CSMD1: variants seen among roughly 807,000 people sequenced by gnomAD.
CSMD1 encodes the protein CUB and Sushi multiple domains 1, also known as CUB and sushi domain-containing protein 1.
A neutral mutation model predicts 417.5 loss-of-function variants in CSMD1; 213 were observed. The ratio of observed to expected loss-of-function variants is 0.51; its 90% CI spans 0.46 to 0.57. CSMD1 has a LOEUF of 0.57. Ranked by LOEUF, CSMD1 falls within the 20% of genes least tolerant of loss-of-function variation. CSMD1 has a pLI of 0.00. For synonymous variants in CSMD1, 2,862 were observed against 1,736.8 expected (o/e 1.65, Z -16.11); for missense variants, 6,923 against 4,529.7 (o/e 1.53, Z -15.17).
intron 1 of CSMD1, among the ~76,000 whole-genome samples, chr8:4,723,416 T>C (rs1809193163): frequency 6.6e-6 from 1 of 152,170 alleles, no homozygotes; most frequent in African/African-American, 2.4e-5. Context: ...GAGGGTTTAA[T>C]ACTTTGGAGT....
At position 4,661,126 on chromosome 8, in the gene CSMD1, C is replaced by G. The variant is rs951690473; in HGVS notation, c.86-23568G>C. ...CCAATTGTACTACTAGGCATTTATCCTAGAAATGTGACAACATTCACACAA... is the reference window on the plus strand; with the variant it reads ...CCAATTGTACTACTAGGCATTTATCGTAGAAATGTGACAACATTCACACAA... On this transcript the variant is annotated intron_variant, in intron 1 of 69. Transcript: ENST00000635120. 1.8e-4 allele frequency among the ~76,000 whole-genome samples: 28 copies of G among 152,088 alleles called. No homozygotes were observed. In the East Asian group the frequency reaches 3.3e-3, roughly 18 times the overall value.
At chr8:4,682,556 T>TA (rs1405201624) in intron 1 of CSMD1, among the ~76,000 whole-genome samples, 7 of 152,094 alleles carry the variant, frequency 4.6e-5, no homozygotes, top group African/African-American at 1.4e-4. Context: ...ACAGTTGTTT[T>TA]AAAAACAGAT....
At chr8:4,084,283 C>G (rs1243011026) in intron 3 of CSMD1, among the ~76,000 whole-genome samples, 1 of 150,730 alleles carries the variant, frequency 6.6e-6, no homozygotes, top group Non-Finnish European at 1.5e-5. Flanking sequence ...TTGGAAAAAT[C>G]TTTCAACTTT....
chr8:4,445,165 G>A (rs1009171437), intron 2 of CSMD1, among the ~76,000 whole-genome samples: 1 of 152,168 alleles, frequency 6.6e-6, no homozygotes, highest in Non-Finnish European at 1.5e-5. Flanking sequence ...GGCACTAGAA[G>A]AATCTGACAC....
At chr8:4,108,019 G>A (rs559183578) in intron 3 of CSMD1, among the ~76,000 whole-genome samples, 4 of 151,712 alleles carry the variant, frequency 2.6e-5, no homozygotes, top group South Asian at 2.1e-4. Context: ...CAGAAAGACT[G>A]CAGGGGAGAG....
At chr8:4,814,341 G>C (rs1799081116) in intron 1 of CSMD1, among the ~76,000 whole-genome samples, 1 of 152,156 alleles carries the variant, frequency 6.6e-6, no homozygotes, top group Non-Finnish European at 1.5e-5. Context: ...TGCCTCACAG[G>C]TTCAAGCAAA....
chr8:3,316,759 G>A (rs1805796366), intron 23 of CSMD1, among the ~76,000 whole-genome samples: 1 of 152,204 alleles, frequency 6.6e-6, no homozygotes, highest in Non-Finnish European at 1.5e-5. Context: ...GGACTCGGCT[G>A]CAGCACCAAG....
intron 3 of CSMD1, among the ~76,000 whole-genome samples, chr8:4,235,717 G>T (rs1331448640): frequency 2.6e-5 from 4 of 152,130 alleles, no homozygotes; most frequent in African/African-American, 9.7e-5. Flanking sequence ...CTTGTGATAT[G>T]TAAGTTCTCA....
Position 3,762,658 on chromosome 8 carries a change from C to T in CSMD1, c.819-8616G>A, listed in dbSNP as rs747769621. On this transcript the variant is annotated intron_variant, in intron 5 of 69. Transcript: ENST00000635120. The stretch of plus-strand genomic sequence containing the variant: ...GAAGGTATAATCGCCCTGCTGACGC[C>T]GTACAGGCACACTGGTGCCCAGAGA... Among the ~76,000 whole-genome samples, 11 of 152,302 alleles carry T rather than the reference C, an allele frequency of 7.2e-5. No individual in the cohort carries two copies. In the East Asian group the frequency reaches 1.4e-3, roughly 19 times the overall value.
chr8:4,417,411 T>C (rs1233883144), intron 3 of CSMD1, among the ~76,000 whole-genome samples: 1 of 152,040 alleles, frequency 6.6e-6, no homozygotes, highest in African/African-American at 2.4e-5. Context: ...CATGTTTACA[T>C]AGATCTTAGA....
At chr8:4,156,029 T>C (rs758067021) in intron 3 of CSMD1, among the ~76,000 whole-genome samples, 1 of 152,112 alleles carries the variant, frequency 6.6e-6, no homozygotes, top group Non-Finnish European at 1.5e-5. Context: ...AGTGGCCTGG[T>C]TCCTCAGATG....
At chr8:4,883,224 G>C (rs1010386640) in intron 1 of CSMD1, among the ~76,000 whole-genome samples, 1 of 151,968 alleles carries the variant, frequency 6.6e-6, no homozygotes, top group Non-Finnish European at 1.5e-5. Context: ...GAGCAACATG[G>C]TTGATTTCTA....
At chr8:4,927,820 C>T (rs1046324507) in intron 1 of CSMD1, among the ~76,000 whole-genome samples, 1 of 152,184 alleles carries the variant, frequency 6.6e-6, no homozygotes, top group Non-Finnish European at 1.5e-5. Flanking sequence ...CTCACACTCA[C>T]CAGCAAATCC....
At chr8:3,974,243 ATTATC>A (rs146119056) in intron 5 of CSMD1, among the ~76,000 whole-genome samples, 7,653 of 151,900 alleles carry the variant, frequency 0.05, 318 homozygotes, top group African/African-American at 0.1. Context: ...AAATAATATA[ATTATC>A]TTAAATAATT....
At chr8:4,320,252 A>T (rs528147831) in intron 3 of CSMD1, among the ~76,000 whole-genome samples, 1 of 152,326 alleles carries the variant, frequency 6.6e-6, no homozygotes, top group African/African-American at 2.4e-5. Context: ...GAAACAGGAA[A>T]ATAAGACCCA....
At chr8:4,752,264 C>A (rs1443294070) in intron 1 of CSMD1, among the ~76,000 whole-genome samples, 1 of 152,126 alleles carries the variant, frequency 6.6e-6, no homozygotes, top group Non-Finnish European at 1.5e-5. Context: ...CTTGTCTTGA[C>A]AATACAATTT....
At chr8:4,562,262 C>G (rs1244561522) in intron 2 of CSMD1, among the ~76,000 whole-genome samples, 1 of 152,146 alleles carries the variant, frequency 6.6e-6, no homozygotes, top group East Asian at 1.9e-4. Flanking sequence ...ACACAGGCAT[C>G]ATTACGCGAG....
chr8:4,221,862 G>A (rs1801051966), intron 3 of CSMD1, among the ~76,000 whole-genome samples: 1 of 152,142 alleles, frequency 6.6e-6, no homozygotes, highest in Non-Finnish European at 1.5e-5. Flanking sequence ...CACTCAGGAA[G>A]GATATTAGAG....
At chr8:3,378,362 C>A (rs577906240) in intron 18 of CSMD1, among the ~76,000 whole-genome samples, 2 of 152,150 alleles carry the variant, frequency 1.3e-5, no homozygotes, top group South Asian at 2.1e-4. Flanking sequence ...CTATTCCAGA[C>A]AATAAAAAAG....
Sources: allele counts gnomAD v4.1 joint callset (sites outside exome capture counted in the v4.1 genomes callset), GRCh38; gene constraint gnomAD v4.1.1; transcripts MANE v1.5; gene names NCBI Gene and HGNC (gene_info 2026-07-23, HGNC 2026-07-21).